DGKI: variants seen among roughly 807,000 people sequenced by gnomAD.
The protein encoded by DGKI is diacylglycerol kinase iota.
Under a neutral mutation model 147.5 loss-of-function variants are expected in DGKI, and 55 were observed. That is an observed-to-expected ratio of 0.37 (90% CI 0.30 to 0.47). The LOEUF (loss-of-function observed/expected upper bound fraction) is 0.47. Ranked by LOEUF, DGKI falls within the 20% of genes least tolerant of loss-of-function variation. The probability of loss-of-function intolerance (pLI) is 1.00; values close to 1 mark genes in which losing one functional copy is unlikely to be tolerated. For missense variants in DGKI, 1,007 were observed against 1,323.8 expected, an observed-to-expected ratio of 0.76 and a Z score of 3.71; for synonymous variants, 469 against 477.1, an observed-to-expected ratio of 0.98 and a Z score of 0.22.
rs1314113220 is a variant in DGKI at position 137,385,848 on chromosome 7, AC to A, written c.*5371del. ...GTTGAATTTCCAGCCCATGCTGGACACCCTGGGGTTCTCCTGCACTGCACTT... is the reference window on the plus strand; with the variant it reads ...GTTGAATTTCCAGCCCATGCTGGACACCTGGGGTTCTCCTGCACTGCACTT... On this transcript the variant is annotated 3_prime_UTR_variant, in exon 33 of 33. Coordinates refer to ENST00000614521, the MANE Select transcript of DGKI (RefSeq NM_001321708.2). The A allele has an allele frequency of 4.6e-5, 7 of 152,232 alleles. No homozygotes were observed. Among genetic ancestry groups the A allele is most frequent in the Admixed American group, 1.3e-4 (2 of 15,278 alleles). The allele number at this position is 152,232 out of a possible 1,614,324, so 9.4% of individuals were successfully genotyped here.
At chr7:137,678,401 T>C (rs1823110647) in intron 3 of DGKI, among the ~76,000 whole-genome samples, 156 bp downstream of exon 3, 1 of 151,904 alleles carries the variant, frequency 6.6e-6, no homozygotes, top group Non-Finnish European at 1.5e-5. Context: ...CATGTTAACT[T>C]GAGAAACTCT....
intron 1 of DGKI, among the ~76,000 whole-genome samples, chr7:137,739,909 G>A (rs1463341054): frequency 6.6e-6 from 1 of 152,184 alleles, no homozygotes; most frequent in African/African-American, 2.4e-5. Context: ...TGCTAAGTGA[G>A]AACTACTGTT....
At chr7:137,693,190 G>A (rs1268719736) in intron 1 of DGKI, among the ~76,000 whole-genome samples, 1 of 152,144 alleles carries the variant, frequency 6.6e-6, no homozygotes, top group African/African-American at 2.4e-5. Context: ...AACTTGGTGT[G>A]TGGTTGGGAG....
rs1190485519 is a variant in DGKI, at chr7:137,685,006, G to C, written c.510+4888C>G. On this transcript the variant is annotated intron_variant, in intron 2 of 32. Coordinates refer to ENST00000614521, the MANE Select transcript of DGKI (RefSeq NM_001321708.2). ...TTTCATTCAAGGTTTCTAAAGATAA[G>C]ATGACCTAGTTTCATAACCCAGTTT... 3.3e-5 allele frequency among the ~76,000 whole-genome samples: 5 copies of C among 152,276 alleles called. No individual in the cohort carries two copies. The East Asian group carries it at 9.6e-4, about 29-fold the overall frequency.
intron 1 of DGKI, among the ~76,000 whole-genome samples, chr7:137,782,323 C>T (rs906049805): frequency 2.6e-5 from 4 of 152,024 alleles, no homozygotes; most frequent in East Asian, 1.9e-4. Context: ...TGTGACTCCC[C>T]GCTTTCCCCC....
intron 6 of DGKI, among the ~76,000 whole-genome samples, chr7:137,642,537 T>C (rs1821667513): frequency 6.6e-6 from 1 of 152,228 alleles, no homozygotes; most frequent in Non-Finnish European, 1.5e-5. Context: ...CTTGAGCATT[T>C]TGGCTCTTTT....
At chr7:137,507,361 G>A (rs1452425557) in intron 21 of DGKI, among the ~76,000 whole-genome samples, 1 of 152,154 alleles carries the variant, frequency 6.6e-6, no homozygotes, top group Admixed American at 6.5e-5. Context: ...TCAAGGATAA[G>A]ATTTCTGAGT....
chr7:137,545,182 T>C (rs1184720979), intron 20 of DGKI, among the ~76,000 whole-genome samples: 1 of 152,130 alleles, frequency 6.6e-6, no homozygotes, highest in Non-Finnish European at 1.5e-5. Flanking sequence ...TGGCCAAAGG[T>C]TGTTGGGAGA....
At chr7:137,761,486 CAAAG>C (rs1459046563) in intron 1 of DGKI, among the ~76,000 whole-genome samples, 1 of 152,218 alleles carries the variant, frequency 6.6e-6, no homozygotes, top group Admixed American at 6.5e-5. Context: ...AGTGCTCACT[CAAAG>C]AAAGTACACA....
In DGKI at chr7:137,401,907, G is replaced by A. The variant is rs1348761833; in HGVS notation, c.2921-4494C>T. ...CAGTTGTCATTTGAACTCTGCTTAC[G>A]ACATTCACGTGGTGCCACCCTGCAT... is the stretch of plus-strand genomic sequence containing the variant. On this transcript the variant is annotated intron_variant, in intron 30 of 32. Coordinates refer to ENST00000614521, the MANE Select transcript of DGKI (RefSeq NM_001321708.2). Among the ~76,000 whole-genome samples, 7 of 152,162 alleles carry A rather than the reference G, an allele frequency of 4.6e-5. No individual in the cohort carries two copies. In the East Asian group the frequency reaches 7.7e-4, roughly 17 times the overall value.
chr7:137,550,859 T>C (rs1818021886), intron 20 of DGKI, among the ~76,000 whole-genome samples: 4 of 152,232 alleles, frequency 2.6e-5, no homozygotes, highest in Non-Finnish European at 2.9e-5. Flanking sequence ...GTTTCAGAGA[T>C]GGTTTTTCAC....
chr7:137,517,892 A>G (rs1236396271), intron 21 of DGKI, among the ~76,000 whole-genome samples: 1 of 152,078 alleles, frequency 6.6e-6, no homozygotes, highest in Non-Finnish European at 1.5e-5. Flanking sequence ...AATAAAAGTA[A>G]ATTGAATGAT....
In DGKI at chr7:137,846,775, C is replaced by A. The variant is rs1257948234; in HGVS notation, c.88G>T (p.Ala30Ser). Residue 30 changes from alanine to serine, a missense_variant, in exon 1 of 33, where the codon GCC becomes TCC. Coordinates refer to ENST00000614521, the MANE Select transcript of DGKI (RefSeq NM_001321708.2). The surrounding 1 kb of genome is among the most constrained non-coding windows in gnomAD (Gnocchi z 4.0). ...CTGCAGGGGCCGGGCGGGCTGGCGGCGGCGGCGGCGGCGGCTGCAGGAGCG... is the reference window on the plus strand; with the variant it reads ...CTGCAGGGGCCGGGCGGGCTGGCGGAGGCGGCGGCGGCGGCTGCAGGAGCG... ...ARAPAAAAAA[A>S]ASPPGPCSGA... The A allele has an allele frequency of 2.8e-6, 3 of 1,064,376 alleles. No homozygotes were observed. The highest frequency in any genetic ancestry group is 8.8e-5 in the South Asian group (2 of 22,816). 65.9% of individuals were successfully genotyped at this position (1,064,376 alleles called of 1,614,324 possible).
chr7:137,423,008 T>A (rs916019207), intron 28 of DGKI, among the ~76,000 whole-genome samples: 1 of 152,204 alleles, frequency 6.6e-6, no homozygotes, highest in Non-Finnish European at 1.5e-5. Flanking sequence ...TGGAAACTGA[T>A]GTAGCAATGC....
At chr7:137,508,315 C>T (rs1430692698) in intron 21 of DGKI, among the ~76,000 whole-genome samples, 2 of 147,666 alleles carry the variant, frequency 1.4e-5, no homozygotes, top group Non-Finnish European at 3.0e-5. Context: ...GCAAGCTCTG[C>T]CTTCCCGGTT....
At chr7:137,725,862 A>T (rs115376398) in intron 1 of DGKI, among the ~76,000 whole-genome samples, 2,801 of 152,236 alleles carry the variant, frequency 0.018, 85 homozygotes, top group African/African-American at 0.063. Context: ...CTACTGACTG[A>T]TTTTTATTAG....
chr7:137,697,836 C>T (rs1008194256), intron 1 of DGKI, among the ~76,000 whole-genome samples: 1 of 151,920 alleles, frequency 6.6e-6, no homozygotes, highest in African/African-American at 2.4e-5. Context: ...ATAACAATTT[C>T]CCTTGTCAAA....
chr7:137,776,137 C>G (rs551911515), intron 1 of DGKI, among the ~76,000 whole-genome samples: 1 of 152,126 alleles, frequency 6.6e-6, no homozygotes, highest in Admixed American at 6.5e-5. Context: ...AGATTACAGG[C>G]GTGAGCCACC....
chr7:137,812,928 T>C (rs529607334), intron 1 of DGKI, among the ~76,000 whole-genome samples: 14 of 152,332 alleles, frequency 9.2e-5, no homozygotes, highest in African/African-American at 3.4e-4. Context: ...AAATCATTGC[T>C]GCACAATGCA....
Sources: allele counts gnomAD v4.1 joint callset (sites outside exome capture counted in the v4.1 genomes callset), GRCh38; gene constraint gnomAD v4.1.1; non-coding constraint Gnocchi (gnomAD v3.1); transcripts MANE v1.5; gene names NCBI Gene and HGNC (gene_info 2026-07-23, HGNC 2026-07-21).